Variants in DENND1B observed in about 807,000 individuals in gnomAD.
The protein encoded by DENND1B is DENN domain-containing protein 1B.
A neutral mutation model predicts 90.1 loss-of-function variants in DENND1B; 59 were observed. The observed-to-expected ratio is 0.65, with a 90% CI of 0.53 to 0.81. The LOEUF is 0.81. Among genes scored for constraint, DENND1B ranks in the 40% least tolerant of loss-of-function variants. The pLI, the probability that DENND1B is intolerant of heterozygous loss-of-function variation, is 0.00. For missense variants in DENND1B, 862 were observed against 912.6 expected (o/e 0.94, Z 0.71); for synonymous variants, 337 against 324.6 (o/e 1.04, Z -0.41).
At chr1:197,744,132 C>A (rs78753408) in intron 2 of DENND1B, among the ~76,000 whole-genome samples, 1 of 152,234 alleles carries the variant, frequency 6.6e-6, no homozygotes, top group African/African-American at 2.4e-5. Context: ...CATTCATGAA[C>A]GTTGGAATCG....
chr1:197,666,417 GT>G (rs1488430749), intron 5 of DENND1B, among the ~76,000 whole-genome samples: 1 of 152,208 alleles, frequency 6.6e-6, no homozygotes, highest in East Asian at 1.9e-4. Flanking sequence ...TGACAATTAT[GT>G]GTTCACAAAT....
chr1:197,561,961 C>A (rs1256901107), intron 15 of DENND1B, among the ~76,000 whole-genome samples: 1 of 151,700 alleles, frequency 6.6e-6, no homozygotes, highest in Non-Finnish European at 1.5e-5. Flanking sequence ...TTTTCTAAAT[C>A]TTCTTTCTCT....
At chr1:197,613,659 A>G (rs1286464932) in intron 11 of DENND1B, among the ~76,000 whole-genome samples, 2 of 150,882 alleles carry the variant, frequency 1.3e-5, no homozygotes, top group African/African-American at 2.4e-5. Flanking sequence ...CATAAAATGC[A>G]TATCACTAAC....
intron 3 of DENND1B, among the ~76,000 whole-genome samples, chr1:197,713,788 TAATATTATTATATTATAATATATTATA>T (rs1440454730): frequency 0.06 from 1,316 of 22,098 alleles, 59 homozygotes; most frequent in African/African-American, 0.13. Context: ...TATTATATTA[TAATATTATTATATTATAATATATTATA>T]TATAATATAT....
chr1:197,727,388 A>G (rs951634052), intron 2 of DENND1B, among the ~76,000 whole-genome samples: 1 of 151,998 alleles, frequency 6.6e-6, no homozygotes, highest in African/African-American at 2.4e-5. Flanking sequence ...ACAAACAATG[A>G]GCCAGGCGTG....
chr1:197,544,351 G>A (rs1448189142), intron 18 of DENND1B, among the ~76,000 whole-genome samples: 1 of 152,108 alleles, frequency 6.6e-6, no homozygotes, highest in Non-Finnish European at 1.5e-5. Context: ...AGAATCAAAG[G>A]GCAGAGGAGA....
intron 14 of DENND1B, among the ~76,000 whole-genome samples, chr1:197,584,280 A>G (rs890511466): frequency 6.6e-6 from 1 of 152,228 alleles, no homozygotes; most frequent in East Asian, 1.9e-4. Flanking sequence ...GTAACTAATT[A>G]AACTATTACC....
At chr1:197,648,860 C>T (rs887352273) in intron 7 of DENND1B, among the ~76,000 whole-genome samples, 1 of 152,128 alleles carries the variant, frequency 6.6e-6, no homozygotes. Context: ...ATATTTTATC[C>T]TTTAAATAGC....
At chr1:197,679,572 T>TAA (rs1656443552) in intron 3 of DENND1B, among the ~76,000 whole-genome samples, 1 of 151,034 alleles carries the variant, frequency 6.6e-6, no homozygotes, top group African/African-American at 2.4e-5. Context: ...ACCAATAGGA[T>TAA]TATATATACA....
chr1:197,636,035 G>A (rs959787250), intron 10 of DENND1B, among the ~76,000 whole-genome samples: 1 of 151,778 alleles, frequency 6.6e-6, no homozygotes, highest in African/African-American at 2.4e-5. Flanking sequence ...AAAGATCTGT[G>A]TGGACTATAA....
At chr1:197,574,492 A>G (rs1316052050) in intron 15 of DENND1B, among the ~76,000 whole-genome samples, 1 of 152,232 alleles carries the variant, frequency 6.6e-6, no homozygotes, top group Non-Finnish European at 1.5e-5. Flanking sequence ...GGAAGACTCA[A>G]TATTTTGAAA....
At chr1:197,672,584 T>C (rs1408382853) in intron 4 of DENND1B, among the ~76,000 whole-genome samples, 4 of 152,064 alleles carry the variant, frequency 2.6e-5, no homozygotes, top group Non-Finnish European at 5.9e-5. Context: ...CTTTAGAATC[T>C]AATGGCAGCC....
intron 10 of DENND1B, among the ~76,000 whole-genome samples, chr1:197,632,662 C>G (rs1255977154): frequency 1.3e-5 from 2 of 152,144 alleles, no homozygotes; most frequent in African/African-American, 4.8e-5. Flanking sequence ...AAACTCTACT[C>G]ATGCCAAATA....
At chr1:197,525,006 A>C (rs1669041858) in intron 20 of DENND1B, among the ~76,000 whole-genome samples, 2 of 152,270 alleles carry the variant, frequency 1.3e-5, no homozygotes, top group South Asian at 4.1e-4. Flanking sequence ...CCCCATTGTT[A>C]ATCAGAAACT....
At position 197,511,748 on chromosome 1, in the gene DENND1B, C is replaced by A; in HGVS notation, c.1795G>T (p.Asp599Tyr). The change falls in exon 22 of 23, where the codon GAC becomes TAC. Residue 599 changes from aspartate (D) to tyrosine (Y), a missense_variant. By Grantham distance (160) the Asp-to-Tyr change is radical. Coordinates refer to ENST00000620048, the MANE Select transcript of DENND1B (RefSeq NM_001195215.2). ...KSLDFFRSMD[D>Y]IDYKPTNKSN... ...CTAACCGTAGGTTTGTAATCAATGT[C>A]ATCCATTGATCTAAAGAAATCCAAG... The A allele has an allele frequency of 2.5e-6, 4 of 1,606,298 alleles. No homozygotes were observed. The highest frequency in any genetic ancestry group is 8.5e-7 in the Non-Finnish European group (1 of 1,175,958).
At chr1:197,731,695 T>C (rs1024773161) in intron 2 of DENND1B, among the ~76,000 whole-genome samples, 2 of 152,200 alleles carry the variant, frequency 1.3e-5, no homozygotes, top group African/African-American at 2.4e-5. Flanking sequence ...ATACTAAAAA[T>C]AGCTGATGAG....
Position 197,672,140 on chromosome 1 carries a change from C to G in DENND1B, c.193G>C (p.Val65Leu). 1 of 1,609,834 alleles carries G rather than the reference C, an allele frequency of 6.2e-7. No homozygotes were observed. Among genetic ancestry groups the G allele is most frequent in the Non-Finnish European group, 8.5e-7 (1 of 1,178,016 alleles). ...AGTACAAAGGTAAAGTGCTGTCCAA[C>G]TTGATTCTGAGACACCCTAAAATAT... ...FDVERVSQNQ[V>L]GQHFTFVLTD... Residue 65 changes from valine to leucine, a missense_variant, in exon 5 of 23, where the codon GTT becomes CTT. Val to Leu is a conservative substitution (Grantham distance 32). Coordinates refer to ENST00000620048, the MANE Select transcript of DENND1B (RefSeq NM_001195215.2).
intron 15 of DENND1B, among the ~76,000 whole-genome samples, chr1:197,576,812 AAG>A (rs1255202051): frequency 1.3e-5 from 2 of 152,150 alleles, no homozygotes; most frequent in Non-Finnish European, 2.9e-5. Flanking sequence ...AACATTAAAA[AAG>A]AGTTTTCCAA....
At chr1:197,541,703 G>T (rs1020565526) in intron 18 of DENND1B, among the ~76,000 whole-genome samples, 3 of 152,138 alleles carry the variant, frequency 2.0e-5, no homozygotes, top group African/African-American at 7.2e-5. Flanking sequence ...AGGTGAAAAA[G>T]AGGAGAAAAG....
Sources: allele counts gnomAD v4.1 joint callset (sites outside exome capture counted in the v4.1 genomes callset), GRCh38; gene constraint gnomAD v4.1.1; transcripts MANE v1.5; gene names NCBI Gene and HGNC (gene_info 2026-07-23, HGNC 2026-07-21).